The following DLC1 variants were observed in gnomAD, a reference collection of about 807,000 sequenced individuals.
DLC1 encodes the protein rho GTPase-activating protein 7.
In DLC1, 54 loss-of-function variants were observed where a neutral mutation model predicts 140.3. The ratio of observed to expected loss-of-function variants is 0.38; its 90% CI spans 0.31 to 0.48. DLC1 has a LOEUF of 0.48. DLC1 is among the 20% of genes least tolerant of loss of function. The pLI is 0.96. For missense variants in DLC1, 2,536 were observed against 1,907.0 expected (o/e 1.33, Z -6.14); for synonymous variants, 986 against 728.1 (o/e 1.35, Z -5.70).
intron 5 of DLC1, among the ~76,000 whole-genome samples, chr8:13,301,880 A>C (rs982865467): frequency 1.3e-5 from 2 of 152,194 alleles, no homozygotes; most frequent in African/African-American, 4.8e-5. Flanking sequence ...CTGAGGTCTG[A>C]GGTGGAACAA....
chr8:13,101,126 G>C (rs915037688), intron 8 of DLC1, among the ~76,000 whole-genome samples: 25 of 152,098 alleles, frequency 1.6e-4, no homozygotes, highest in South Asian at 4.2e-4. Context: ...GCCTAGGCTG[G>C]TCTCAAACTC....
intron 1 of DLC1, among the ~76,000 whole-genome samples, chr8:13,534,207 A>G (rs1262196732): frequency 1.3e-5 from 2 of 152,092 alleles, no homozygotes; most frequent in African/African-American, 2.4e-5. Context: ...TCCTCCAAAG[A>G]CTTTTTCTTG....
chr8:13,530,350 G>T (rs1236746595), intron 1 of DLC1, among the ~76,000 whole-genome samples: 1 of 152,150 alleles, frequency 6.6e-6, no homozygotes, highest in Admixed American at 6.6e-5. Context: ...ATTTACTGCT[G>T]AGTTTTTAAA....
intron 5 of DLC1, among the ~76,000 whole-genome samples, chr8:13,208,297 A>G (rs1277935235): frequency 6.6e-6 from 1 of 152,204 alleles, no homozygotes; most frequent in Non-Finnish European, 1.5e-5. Context: ...CATGAAGCTT[A>G]TTCATATCTT....
intron 1 of DLC1, among the ~76,000 whole-genome samples, chr8:13,512,306 T>G (rs968877363): frequency 2.6e-5 from 4 of 152,132 alleles, no homozygotes; most frequent in Non-Finnish European, 4.4e-5. Context: ...ATGTGTTACA[T>G]TTATGAGAAA....
chr8:13,298,289 C>G (rs574892062), intron 5 of DLC1, among the ~76,000 whole-genome samples: 1 of 152,268 alleles, frequency 6.6e-6, no homozygotes, highest in African/African-American at 2.4e-5. Context: ...TCTTCAATGG[C>G]CCCCTTTACA....
At chr8:13,318,459 A>G (rs924099040) in intron 4 of DLC1, among the ~76,000 whole-genome samples, 2 of 152,208 alleles carry the variant, frequency 1.3e-5, no homozygotes, top group African/African-American at 4.8e-5. Context: ...GTAAGTGTCC[A>G]TGTCAAGTTT....
chr8:13,399,585 C>T (rs1400914652), intron 3 of DLC1, among the ~76,000 whole-genome samples: 1 of 152,100 alleles, frequency 6.6e-6, no homozygotes, highest in African/African-American at 2.4e-5. Context: ...CTCAGCGAGC[C>T]CTAAGAGACT....
intron 5 of DLC1, among the ~76,000 whole-genome samples, chr8:13,274,815 AT>A (rs1831095788): frequency 2.0e-5 from 1 of 49,006 alleles, no homozygotes; most frequent in Non-Finnish European, 4.6e-5. Flanking sequence ...GATATTATTT[AT>A]AGAATCTTTT....
At chr8:13,445,543 A>C (rs1798738434) in intron 2 of DLC1, among the ~76,000 whole-genome samples, 1 of 152,232 alleles carries the variant, frequency 6.6e-6, no homozygotes, top group Non-Finnish European at 1.5e-5. Context: ...CAATGATTAA[A>C]GCTGTCAATT....
intron 4 of DLC1, among the ~76,000 whole-genome samples, chr8:13,356,979 G>T (rs1220640195): frequency 5.3e-5 from 8 of 152,184 alleles, no homozygotes; most frequent in African/African-American, 1.7e-4. Context: ...CCTTAGGAAA[G>T]TCCTGCCCTG....
intron 5 of DLC1, among the ~76,000 whole-genome samples, chr8:13,165,125 A>C (rs1825016576): frequency 6.6e-6 from 1 of 152,214 alleles, no homozygotes; most frequent in Non-Finnish European, 1.5e-5. Flanking sequence ...ATTTCAGATA[A>C]ATAGCAAGTA....
At chr8:13,269,557 A>T (rs1248230314) in intron 5 of DLC1, among the ~76,000 whole-genome samples, 3 of 151,882 alleles carry the variant, frequency 2.0e-5, no homozygotes, top group African/African-American at 7.3e-5. Context: ...CTCTACAAAA[A>T]TCAAAAAATT....
chr8:13,170,030 A>G (rs1385099929), intron 5 of DLC1, among the ~76,000 whole-genome samples: 2 of 152,152 alleles, frequency 1.3e-5, no homozygotes, highest in Admixed American at 1.3e-4. Flanking sequence ...AAAAAATAAA[A>G]AAATAAAAAA....
intron 5 of DLC1, among the ~76,000 whole-genome samples, chr8:13,181,771 A>G (rs1826052576): frequency 6.6e-6 from 1 of 152,072 alleles, no homozygotes; most frequent in Non-Finnish European, 1.5e-5. Flanking sequence ...AGTCTTTGCT[A>G]TTGTGAATAG....
chr8:13,474,510 C>T (rs1800354795), intron 2 of DLC1, among the ~76,000 whole-genome samples: 1 of 152,302 alleles, frequency 6.6e-6, no homozygotes, highest in East Asian at 1.9e-4. Context: ...GGGCCACTGT[C>T]CTCCAGACCC....
intron 5 of DLC1, among the ~76,000 whole-genome samples, chr8:13,281,546 G>A (rs1267587271): frequency 6.6e-6 from 1 of 152,122 alleles, no homozygotes; most frequent in Non-Finnish European, 1.5e-5. Context: ...ATGATTTATA[G>A]ATATAATTTA....
intron 5 of DLC1, among the ~76,000 whole-genome samples, chr8:13,283,622 C>G (rs1831442899): frequency 6.6e-6 from 1 of 152,178 alleles, no homozygotes; most frequent in Non-Finnish European, 1.5e-5. Context: ...TCAAGCAATC[C>G]TCTCACTGCA....
intron 5 of DLC1, among the ~76,000 whole-genome samples, chr8:13,253,968 C>T (rs554253695): frequency 3.3e-5 from 5 of 152,120 alleles, no homozygotes; most frequent in Non-Finnish European, 7.4e-5. Context: ...AACCATCTAA[C>T]GTTTGGGTGA....
Sources: allele counts gnomAD v4.1 joint callset (sites outside exome capture counted in the v4.1 genomes callset), GRCh38; gene constraint gnomAD v4.1.1; transcripts MANE v1.5; gene names NCBI Gene and HGNC (gene_info 2026-07-23, HGNC 2026-07-21).